The following CIMIP6 variants were observed in gnomAD, a reference collection of about 807,000 sequenced individuals.
The protein encoded by CIMIP6 is ciliary microtubule inner protein 6.
chr2:54,348,713 A>G, the CIMIP6 span, among the ~76,000 whole-genome samples: 1 of 152,212 alleles, frequency 6.6e-6, no homozygotes, highest in East Asian at 1.9e-4. Flanking sequence ...CAGATTTTTT[A>G]CCATAAGCAT....
the CIMIP6 span, among the ~76,000 whole-genome samples, chr2:54,346,987 T>C: frequency 0.18 from 27,672 of 152,208 alleles, 2,780 homozygotes; most frequent in Non-Finnish European, 0.22. Context: ...AGACAGAGAA[T>C]ATAACTCAGA....
the CIMIP6 span, among the ~76,000 whole-genome samples, chr2:54,365,499 T>A: frequency 6.6e-6 from 1 of 152,160 alleles, no homozygotes; most frequent in Non-Finnish European, 1.5e-5. Flanking sequence ...AGATAGACTA[T>A]ATAAAGTAAG....
the CIMIP6 span, among the ~76,000 whole-genome samples, chr2:54,371,989 GAT>G: frequency 6.6e-6 from 1 of 152,228 alleles, no homozygotes; most frequent in Non-Finnish European, 1.5e-5. Context: ...GAATAAATGA[GAT>G]AGTACATGTG....
chr2:54,365,029 G>A, the CIMIP6 span, among the ~76,000 whole-genome samples: 1 of 152,186 alleles, frequency 6.6e-6, no homozygotes, highest in African/African-American at 2.4e-5. Context: ...TTTAATGCCT[G>A]AGCTGGAATG....
the CIMIP6 span, among the ~76,000 whole-genome samples, chr2:54,342,909 A>T: frequency 6.6e-6 from 1 of 152,184 alleles, no homozygotes; most frequent in South Asian, 2.1e-4. Flanking sequence ...CAGTTTTAAA[A>T]TATTTGGTCA....
the CIMIP6 span, among the ~76,000 whole-genome samples, chr2:54,346,243 G>A: frequency 6.6e-5 from 10 of 152,178 alleles, no homozygotes; most frequent in Non-Finnish European, 1.2e-4. Context: ...AATAAGAAAA[G>A]TAAGTGCACA....
At chr2:54,362,092 A>C in the CIMIP6 span, among the ~76,000 whole-genome samples, 1 of 152,236 alleles carries the variant, frequency 6.6e-6, no homozygotes, top group South Asian at 2.1e-4. Flanking sequence ...ATGAATTTAC[A>C]TGTAAGACTT....
At chr2:54,375,568 C>T in the CIMIP6 span, among the ~76,000 whole-genome samples, 43 of 152,184 alleles carry the variant, frequency 2.8e-4, no homozygotes, top group Non-Finnish European at 5.1e-4. Context: ...AAATTGTACA[C>T]GTGTATATGT....
chr2:54,363,150 C>T, the CIMIP6 span, among the ~76,000 whole-genome samples: 23 of 152,186 alleles, frequency 1.5e-4, no homozygotes, highest in Non-Finnish European at 2.9e-4. Context: ...GAACCTCGCA[C>T]TCTGGGTATT....
chr2:54,343,709 T>G, the CIMIP6 span: 1 of 1,558,184 alleles, frequency 6.4e-7, no homozygotes, highest in Non-Finnish European at 8.7e-7. Context: ...TTCCAATTAT[T>G]TTCTATAAAG....
the CIMIP6 span, among the ~76,000 whole-genome samples, chr2:54,366,495 G>T: frequency 6.6e-6 from 1 of 152,080 alleles, no homozygotes; most frequent in South Asian, 2.1e-4. Context: ...GCATTTTCTA[G>T]GATTAAAGAA....
the CIMIP6 span, among the ~76,000 whole-genome samples, chr2:54,362,547 T>C: frequency 2.0e-5 from 3 of 152,102 alleles, no homozygotes; most frequent in Non-Finnish European, 2.9e-5. Flanking sequence ...TCTGTCTGTG[T>C]GTGTATGTGT....
chr2:54,371,934 C>G, the CIMIP6 span, among the ~76,000 whole-genome samples: 27,704 of 152,128 alleles, frequency 0.18, 2,799 homozygotes, highest in Non-Finnish European at 0.22. Context: ...GGTCCTTTAT[C>G]TGTTAAATGA....
At chr2:54,381,070 G>A in the CIMIP6 span, among the ~76,000 whole-genome samples, 1 of 152,046 alleles carries the variant, frequency 6.6e-6, no homozygotes, top group African/African-American at 2.4e-5. Flanking sequence ...TTGCAGTGAA[G>A]TCTCAGAATA....
the CIMIP6 span, among the ~76,000 whole-genome samples, chr2:54,339,006 A>G: frequency 4.2e-5 from 3 of 70,942 alleles, 1 homozygote; most frequent in East Asian, 4.9e-4. Context: ...AATACAAAAA[A>G]TTAGATGGGC....
the CIMIP6 span, chr2:54,360,730 T>C: frequency 2.9e-6 from 2 of 696,546 alleles, no homozygotes; most frequent in Non-Finnish European, 4.4e-6. Context: ...ATGTTATTAA[T>C]AAGAGTGGTC....
At chr2:54,371,354 G>A in the CIMIP6 span, among the ~76,000 whole-genome samples, 1 of 152,156 alleles carries the variant, frequency 6.6e-6, no homozygotes, top group Non-Finnish European at 1.5e-5. Context: ...CAGGGTGCTG[G>A]CTCCTATTGG....
the CIMIP6 span, among the ~76,000 whole-genome samples, chr2:54,356,143 T>TA: frequency 0.43 from 58,639 of 136,512 alleles, 12,838 homozygotes; most frequent in Non-Finnish European, 0.51. Context: ...CTTAAACTGT[T>TA]AAAAAAAAAA....
chr2:54,365,640 C>T, the CIMIP6 span, among the ~76,000 whole-genome samples: 1 of 152,122 alleles, frequency 6.6e-6, no homozygotes, highest in Non-Finnish European at 1.5e-5. Context: ...CTTCCTGAGG[C>T]CTCACTAAAG....
Sources: gnomAD v4.1 joint callset for allele counts (sites outside exome capture counted in the v4.1 genomes callset) on GRCh38, gnomAD v4.1.1 for gene constraint, MANE v1.5 for transcripts, NCBI Gene and HGNC (gene_info 2026-07-23, HGNC 2026-07-21) for gene names.